The following QKI variants were observed in gnomAD, a reference collection of about 807,000 sequenced individuals.
QKI encodes KH domain-containing RNA-binding protein QKI.
Under a neutral mutation model 39.0 loss-of-function variants are expected in QKI, and 10 were observed. The ratio of observed to expected loss-of-function variants is 0.26; its 90% CI spans 0.16 to 0.43. The LOEUF is 0.43. Ranked by LOEUF, QKI falls within the 20% of genes least tolerant of loss-of-function variation. QKI has a pLI of 1.00. For missense variants in QKI, 218 were observed against 428.0 expected, an observed-to-expected ratio of 0.51 and a Z score of 4.33; for synonymous variants, 204 against 155.4, an observed-to-expected ratio of 1.31 and a Z score of -2.33.
intron 3 of QKI, among the ~76,000 whole-genome samples, chr6:163,500,309 A>G (rs561392603): frequency 1.3e-5 from 2 of 152,230 alleles, no homozygotes; most frequent in African/African-American, 2.4e-5. Flanking sequence ...GAGTTGGGCA[A>G]GAGTTGAAGG....
chr6:163,490,962 T>C (rs1263485836), intron 3 of QKI, among the ~76,000 whole-genome samples: 1 of 152,244 alleles, frequency 6.6e-6, no homozygotes, highest in Non-Finnish European at 1.5e-5. Flanking sequence ...CTTTGACATA[T>C]TTAATGACAG....
chr6:163,433,404 T>C (rs1788990823), intron 1 of QKI, among the ~76,000 whole-genome samples: 3 of 152,200 alleles, frequency 2.0e-5, no homozygotes, highest in Non-Finnish European at 4.4e-5. Flanking sequence ...TAATTGTTAA[T>C]GTTACTATTA....
intron 4 of QKI, among the ~76,000 whole-genome samples, chr6:163,539,138 G>A (rs1413049115): frequency 6.6e-6 from 1 of 152,164 alleles, no homozygotes; most frequent in African/African-American, 2.4e-5. Context: ...GCTTCACCAT[G>A]TAACAGGAAG....
chr6:163,486,552 C>T (rs1280257975), intron 3 of QKI, among the ~76,000 whole-genome samples: 1 of 152,114 alleles, frequency 6.6e-6, no homozygotes, highest in African/African-American at 2.4e-5. Flanking sequence ...TTAAGTATCT[C>T]TTATAGCAGA....
chr6:163,539,781 G>A (rs1781403681), intron 4 of QKI, among the ~76,000 whole-genome samples: 2 of 152,038 alleles, frequency 1.3e-5, no homozygotes. Context: ...CAGAAAATTT[G>A]TACCAATTTA....
intron 1 of QKI, 69 bp from the exon 2 acceptor site, chr6:163,455,210 T>C: frequency 7.5e-7 from 1 of 1,334,580 alleles, no homozygotes; most frequent in East Asian, 2.5e-5. Flanking sequence ...CCCTGCCCTC[T>C]CTTTTTTCCT....
At chr6:163,449,843 G>A (rs966895271) in intron 1 of QKI, among the ~76,000 whole-genome samples, 3 of 151,958 alleles carry the variant, frequency 2.0e-5, no homozygotes, top group Non-Finnish European at 4.4e-5. Context: ...TGAAATGACT[G>A]CTCAATGCTG....
Position 163,576,847 on chromosome 6 carries a change from T to G in QKI, c.*6137T>G, listed in dbSNP as rs1784001043. The G allele has an allele frequency of 6.6e-6, 1 of 152,238 alleles. No individual in the cohort carries two copies. Among genetic ancestry groups the G allele is most frequent in the African/African-American group, 2.4e-5 (1 of 41,462 alleles). The allele number at this position is 152,238 out of a possible 1,614,324, so 9.4% of individuals were successfully genotyped here. On this transcript the variant is annotated 3_prime_UTR_variant, in exon 8 of 8. Transcript: ENST00000361752. ...AGAATTTGACATTCTGGAGTTATTA[T>G]AACATTAGAAAATGAGCATAACATT...
intron 1 of QKI, among the ~76,000 whole-genome samples, chr6:163,428,385 G>A (rs1006205662): frequency 6.6e-6 from 1 of 151,948 alleles, no homozygotes; most frequent in South Asian, 2.1e-4. Context: ...CTGTTTGTAC[G>A]TTTTCTTTGT....
chr6:163,540,003 G>C (rs1781414748), intron 4 of QKI, among the ~76,000 whole-genome samples: 1 of 151,314 alleles, frequency 6.6e-6, no homozygotes, highest in South Asian at 2.1e-4. Context: ...TACGTAACAT[G>C]AGATACTTTT....
intron 7 of QKI, 94 bp downstream of exon 7, chr6:163,566,889 A>G (rs1174693449): frequency 1.3e-6 from 2 of 1,512,796 alleles, no homozygotes; most frequent in Non-Finnish European, 1.8e-6. Flanking sequence ...GTAATTGCTT[A>G]CCTGCACACA....
chr6:163,520,740 T>G (rs902229529), intron 3 of QKI, among the ~76,000 whole-genome samples: 5 of 152,196 alleles, frequency 3.3e-5, no homozygotes, highest in African/African-American at 1.2e-4. Flanking sequence ...CCAAAGGAAG[T>G]GAAAATAATT....
chr6:163,444,846 A>G (rs1462023730), intron 1 of QKI, among the ~76,000 whole-genome samples: 1 of 152,006 alleles, frequency 6.6e-6, no homozygotes, highest in East Asian at 1.9e-4. Flanking sequence ...ACTTTGTCAC[A>G]TTATTTCCCC....
At chr6:163,480,672 TAA>T (rs1164626182) in intron 3 of QKI, among the ~76,000 whole-genome samples, 1 of 152,164 alleles carries the variant, frequency 6.6e-6, no homozygotes, top group African/African-American at 2.4e-5. Context: ...ATGAGAATCT[TAA>T]AAAAATGTGC....
At chr6:163,500,187 AT>A (rs1193243314) in intron 3 of QKI, among the ~76,000 whole-genome samples, 21 of 152,192 alleles carry the variant, frequency 1.4e-4, no homozygotes, top group Admixed American at 7.2e-4. Context: ...GCTTGGTAAA[AT>A]TTTATTGGAA....
chr6:163,541,876 T>C (rs1035366807), intron 4 of QKI, among the ~76,000 whole-genome samples: 3 of 151,966 alleles, frequency 2.0e-5, no homozygotes, highest in African/African-American at 7.2e-5. Context: ...AGAGAGACTT[T>C]GTAAAGGTAG....
rs756641743 is a variant in QKI at position 163,565,895 on chromosome 6, A to G, written c.935-826A>G. ...TAGTAGTGAGGAGATTGGTATTAGC[A>G]TCAAGTCTTCATTGATGACTAATTT... is the stretch of plus-strand genomic sequence containing the variant. On this transcript the variant is annotated intron_variant, in intron 6 of 7. Transcript: ENST00000361752. The G allele has an allele frequency of 5.0e-6, 8 of 1,611,718 alleles. No individual in the cohort carries two copies. The African/African-American group carries it at 6.7e-5, about 13-fold the overall frequency.
At chr6:163,532,568 A>G (rs1216370157) in intron 3 of QKI, among the ~76,000 whole-genome samples, 1 of 152,190 alleles carries the variant, frequency 6.6e-6, no homozygotes, top group Non-Finnish European at 1.5e-5. Context: ...GTTGTACTGG[A>G]ACAATGCTTA....
At chr6:163,553,810 T>G (rs1018630469) in intron 4 of QKI, among the ~76,000 whole-genome samples, 2 of 152,148 alleles carry the variant, frequency 1.3e-5, no homozygotes, top group African/African-American at 4.8e-5. Flanking sequence ...GTACAAATCT[T>G]TGTTAGTTTT....
Sources: gnomAD v4.1 joint callset for allele counts (sites outside exome capture counted in the v4.1 genomes callset) on GRCh38, gnomAD v4.1.1 for gene constraint, MANE v1.5 for transcripts, NCBI Gene and HGNC (gene_info 2026-07-23, HGNC 2026-07-21) for gene names.